The following CDH18 variants were observed in gnomAD, a reference collection of about 807,000 sequenced individuals.
The protein encoded by CDH18 is cadherin 18.
A neutral mutation model predicts 67.9 loss-of-function variants in CDH18; 31 were observed. The observed-to-expected ratio is 0.46, with a 90% CI of 0.34 to 0.62. CDH18 has a LOEUF of 0.62. Ranked by LOEUF, CDH18 falls within the 20% of genes least tolerant of loss-of-function variation. The pLI is 0.01. For missense variants in CDH18, 890 were observed against 975.5 expected (o/e 0.91, Z 1.17); for synonymous variants, 362 against 347.2 (o/e 1.04, Z -0.48).
intron 2 of CDH18, among the ~76,000 whole-genome samples, chr5:20,209,695 C>A (rs974233741): frequency 6.6e-6 from 1 of 151,760 alleles, no homozygotes; most frequent in Non-Finnish European, 1.5e-5. Context: ...ATTAAGATGA[C>A]AATCACTGAA....
chr5:19,527,612 A>C (rs1021879204), intron 9 of CDH18, among the ~76,000 whole-genome samples: 7 of 151,826 alleles, frequency 4.6e-5, no homozygotes, highest in Non-Finnish European at 1.0e-4. Flanking sequence ...ATGCAACAGA[A>C]TATTAAACCA....
intron 5 of CDH18, among the ~76,000 whole-genome samples, chr5:19,640,149 C>T (rs1753799258): frequency 6.6e-6 from 1 of 152,204 alleles, no homozygotes; most frequent in East Asian, 1.9e-4. Flanking sequence ...AAAACATAAA[C>T]ATATGAAATA....
At chr5:20,372,054 A>G (rs565715626) in intron 1 of CDH18, among the ~76,000 whole-genome samples, 1 of 152,334 alleles carries the variant, frequency 6.6e-6, no homozygotes, top group African/African-American at 2.4e-5. Flanking sequence ...GTGAAGAAAC[A>G]GGCACCGAAA....
chr5:20,430,688 A>C (rs1193527479), intron 1 of CDH18, among the ~76,000 whole-genome samples: 1 of 152,214 alleles, frequency 6.6e-6, no homozygotes, highest in African/African-American at 2.4e-5. Flanking sequence ...AAAGCTAAAC[A>C]GATGGTGAGC....
intron 1 of CDH18, among the ~76,000 whole-genome samples, chr5:20,526,217 G>A (rs1756048563): frequency 1.3e-5 from 2 of 152,092 alleles, no homozygotes; most frequent in African/African-American, 4.8e-5. Context: ...CCTCCCTGTA[G>A]GACTTTAGCA....
rs541280229 is a variant in CDH18, at chr5:19,887,861, C to T, written c.-256-48619G>A. Reference sequence around the variant, plus strand: ...TGTTGAGATTTACAGATGTGAACCACCACACCCAGGGTCTTACTTTTGTAT... The same window carrying T: ...TGTTGAGATTTACAGATGTGAACCATCACACCCAGGGTCTTACTTTTGTAT... On this transcript the variant is annotated intron_variant, in intron 2 of 12. Transcript: ENST00000382275. Among the ~76,000 whole-genome samples the T allele has an allele frequency of 2.0e-5, 3 of 152,126 alleles. No homozygotes were observed. The South Asian group carries it at 6.2e-4, about 32-fold the overall frequency.
chr5:20,548,382 G>A (rs1757454533), intron 1 of CDH18, among the ~76,000 whole-genome samples: 2 of 151,422 alleles, frequency 1.3e-5, no homozygotes. Context: ...ATATGTCCCT[G>A]GATACTTATT....
intron 3 of CDH18, among the ~76,000 whole-genome samples, chr5:19,761,340 A>G (rs1772314993): frequency 6.6e-6 from 1 of 152,188 alleles, no homozygotes; most frequent in Non-Finnish European, 1.5e-5. Flanking sequence ...AACCAGCTTC[A>G]TTATGTTCCT....
intron 1 of CDH18, among the ~76,000 whole-genome samples, chr5:20,374,248 C>T (rs1210249145): frequency 1.3e-5 from 2 of 152,058 alleles, no homozygotes; most frequent in Non-Finnish European, 2.9e-5. Flanking sequence ...CTACAGATAC[C>T]GGCAGAAGAG....
intron 1 of CDH18, among the ~76,000 whole-genome samples, chr5:20,364,606 T>C (rs1742364126): frequency 6.6e-6 from 1 of 152,210 alleles, no homozygotes. Flanking sequence ...TATTGTAAAG[T>C]GACTGTGTAT....
chr5:20,108,226 T>A (rs1747140714), intron 2 of CDH18, among the ~76,000 whole-genome samples: 1 of 152,000 alleles, frequency 6.6e-6, no homozygotes, highest in African/African-American at 2.4e-5. Flanking sequence ...ACTACAGGCA[T>A]GTGCCACCAC....
chr5:19,495,016 C>A lies in CDH18; in HGVS notation c.1630+7976G>T, dbSNP rs7703056. Among the ~76,000 whole-genome samples the A allele has an allele frequency of 8.9e-3, 1,357 of 152,184 alleles. 18 individuals are homozygous for A. The highest frequency in any genetic ancestry group is 0.031 in the African/African-American group (1,273 of 41,512). On this transcript the variant is annotated intron_variant, in intron 11 of 12. Coordinates refer to ENST00000382275, the MANE Select transcript of CDH18 (RefSeq NM_004934.5). ...CTCAAACTTTCATTAACAGTTCGTA[C>A]TGTGAGAACATAATTCTTTGGGAAG... is the stretch of plus-strand genomic sequence containing the variant.
chr5:19,957,317 T>TAC (rs1796344735), intron 2 of CDH18, among the ~76,000 whole-genome samples: 6 of 151,088 alleles, frequency 4.0e-5, no homozygotes, highest in African/African-American at 1.2e-4. Flanking sequence ...TGTATATATA[T>TAC]GTTTTATATA....
intron 1 of CDH18, among the ~76,000 whole-genome samples, chr5:20,358,090 A>G (rs1741778553): frequency 6.6e-6 from 1 of 152,164 alleles, no homozygotes; most frequent in Non-Finnish European, 1.5e-5. Context: ...AGTGGAAGCT[A>G]AACATTAAGC....
chr5:19,672,174 A>C (rs555666015), intron 5 of CDH18, among the ~76,000 whole-genome samples: 1 of 152,292 alleles, frequency 6.6e-6, no homozygotes, highest in African/African-American at 2.4e-5. Context: ...AACAATATTT[A>C]GGCTGATTTC....
At chr5:20,152,092 A>G (rs1216430790) in intron 2 of CDH18, among the ~76,000 whole-genome samples, 2 of 146,934 alleles carry the variant, frequency 1.4e-5, no homozygotes, top group Non-Finnish European at 3.0e-5. Context: ...ATGAAATATA[A>G]ATTATTTTAT....
intron 2 of CDH18, among the ~76,000 whole-genome samples, chr5:19,941,015 C>A (rs1303850895): frequency 6.6e-6 from 1 of 152,076 alleles, no homozygotes; most frequent in Non-Finnish European, 1.5e-5. Flanking sequence ...AGAGTAAAGT[C>A]TTTAAACTAA....
At chr5:20,512,757 A>G (rs1049100441) in intron 1 of CDH18, among the ~76,000 whole-genome samples, 4 of 151,856 alleles carry the variant, frequency 2.6e-5, no homozygotes, top group African/African-American at 9.7e-5. Context: ...GGTGGCAGGC[A>G]TCTGTAATCC....
At chr5:19,561,445 G>A (rs1041905189) in intron 8 of CDH18, among the ~76,000 whole-genome samples, 2 of 152,092 alleles carry the variant, frequency 1.3e-5, no homozygotes, top group African/African-American at 2.4e-5. Flanking sequence ...ACTCATAAGT[G>A]GGAGCTAAGC....
Sources: allele counts gnomAD v4.1 joint callset (sites outside exome capture counted in the v4.1 genomes callset), GRCh38; gene constraint gnomAD v4.1.1; transcripts MANE v1.5; gene names NCBI Gene and HGNC (gene_info 2026-07-23, HGNC 2026-07-21).